TET2: variants seen among roughly 807,000 people sequenced by gnomAD.
TET2 encodes methylcytosine dioxygenase TET2.
TET2 carries 299 observed loss-of-function variants against 142.9 expected under a neutral mutation model. The ratio of observed to expected loss-of-function variants is 2.09; its 90% CI spans 1.90 to 2.30. The LOEUF (loss-of-function observed/expected upper bound fraction) is 2.30. Ranked by LOEUF, TET2 falls within the 30% of genes most tolerant of loss-of-function variation. The pLI is 0.00. For synonymous variants in TET2, 819 were observed against 849.0 expected (o/e 0.96, Z 0.61); for missense variants, 2,418 against 2,378.0 (o/e 1.02, Z -0.35).
intron 1 of TET2, among the ~76,000 whole-genome samples, chr4:105,163,852 AGAGT>A (rs1440483546): frequency 8.7e-4 from 92 of 105,822 alleles, no homozygotes; most frequent in Admixed American, 1.4e-3. Flanking sequence ...AGAGAGAGAG[AGAGT>A]GTGTGTGTGT....
At chr4:105,231,162 A>T (rs543175238) in intron 2 of TET2, among the ~76,000 whole-genome samples, 1 of 152,252 alleles carries the variant, frequency 6.6e-6, no homozygotes, top group African/African-American at 2.4e-5. Flanking sequence ...TAATTTGGCT[A>T]CTAGGCCCCA....
chr4:105,162,850 C>T (rs184966092), intron 1 of TET2, among the ~76,000 whole-genome samples: 2 of 152,114 alleles, frequency 1.3e-5, no homozygotes, highest in East Asian at 3.9e-4. Context: ...TATTGAAGAG[C>T]CTATATCTGC....
Position 105,272,785 on chromosome 4 carries a change from AC to A in TET2, c.4405del (p.Leu1469Ter), listed in dbSNP as rs1314914381. The part of the protein sequence containing the change: ...EPVKTCRQRK[L>X]EAKKAAAEKL... ...CAGTCAAGACTTGCCGACAAAGGAA[AC>A]TAGAAGCCAAGAAAGCTGCAGCTGA... On this transcript the variant is annotated frameshift_variant, in exon 10 of 11. Coordinates refer to ENST00000380013, the MANE Select transcript of TET2 (RefSeq NM_001127208.3). LOFTEE classifies it high-confidence loss of function. 6.4e-7 allele frequency: 1 copy of A among 1,551,598 alleles called. No individual in the cohort carries two copies. Among genetic ancestry groups the A allele is most frequent in the Non-Finnish European group, 8.7e-7 (1 of 1,146,986 alleles).
intron 8 of TET2, among the ~76,000 whole-genome samples, chr4:105,268,079 T>G (rs1050739007): frequency 1.3e-5 from 2 of 152,060 alleles, no homozygotes; most frequent in African/African-American, 4.8e-5. Context: ...CTGTAAATTT[T>G]AGAAAGTGCA....
At position 105,275,165 on chromosome 4, in the gene TET2, C is replaced by T; in HGVS notation, c.4655C>T (p.Pro1552Leu). 6.4e-7 allele frequency: 1 copy of T among 1,552,262 alleles called. No individual in the cohort carries two copies. Among genetic ancestry groups the T allele is most frequent in the Non-Finnish European group, 8.7e-7 (1 of 1,147,112 alleles). ...CCCCAGCAGCAGCAGCCACATCACC[C>T]TCAGACAGAGTCTGTCAACTCTTAT... is the stretch of plus-strand genomic sequence containing the variant. ...QRPQQQQPHH[P>L]QTESVNSYSA... The change falls in exon 11 of 11, where the codon CCT (proline) becomes CTT (leucine). Residue 1552 changes from proline (P) to leucine (L), a missense_variant. Transcript: ENST00000380013.
chr4:105,275,308 A>C lies in TET2; in HGVS notation c.4798A>C (p.Thr1600Pro). 6.4e-7 allele frequency: 1 copy of C among 1,551,906 alleles called. No individual in the cohort carries two copies. Among genetic ancestry groups the C allele is most frequent in the Non-Finnish European group, 8.7e-7 (1 of 1,147,028 alleles). The change falls in exon 11 of 11, where the codon ACC (threonine) becomes CCC (proline). Residue 1600 changes from threonine (T) to proline (P), a missense_variant. Transcript: ENST00000380013. Reference sequence around the variant, plus strand: ...CACCAGCCCTATGAACTTCTATTCCACCTCATCTCAAGCTGCAGGTTCATA... The same window carrying C: ...CACCAGCCCTATGAACTTCTATTCCCCCTCATCTCAAGCTGCAGGTTCATA... ...GSTSPMNFYSTSSQAAGSYLN... is the reference protein window; with the variant it reads ...GSTSPMNFYSPSSQAAGSYLN...
intron 1 of TET2, among the ~76,000 whole-genome samples, chr4:105,154,774 C>A (rs1331631894): frequency 2.0e-5 from 3 of 152,110 alleles, no homozygotes; most frequent in African/African-American, 7.2e-5. Context: ...CCTGTAATCC[C>A]AGCACTTTGC....
chr4:105,229,650 T>C (rs1728389492), intron 2 of TET2, among the ~76,000 whole-genome samples: 2 of 150,068 alleles, frequency 1.3e-5, no homozygotes, highest in South Asian at 4.2e-4. Flanking sequence ...TTGGAAGTTA[T>C]TTAAAAAAAA....
rs35390923 is a variant in TET2 at position 105,214,301 on chromosome 4, ATTTTTTT to A, written c.-46-19579_-46-19573del. ...TCCTTTCACTTGTCCCCCGAGGGAG[ATTTTTTT>A]TTTTTTTTTTTTTTTTGAGACAAGA... On this transcript the variant is annotated intron_variant, in intron 2 of 10. Transcript: ENST00000380013. 0.012 allele frequency among the ~76,000 whole-genome samples: 1,032 copies of A among 86,032 alleles called. 52 individuals are homozygous for A. The East Asian group carries it at 0.19, about 16-fold the overall frequency. The allele number at this position is 86,032 out of a possible 152,430, so 56.4% of individuals were successfully genotyped here.
intron 3 of TET2, 29 bp from the exon 4 acceptor site, chr4:105,241,310 A>G: frequency 6.6e-7 from 1 of 1,526,604 alleles, no homozygotes; most frequent in Non-Finnish European, 8.8e-7. Context: ...ATTGAGGTCT[A>G]AAATAATAAT....
At chr4:105,230,545 T>C (rs774359755) in intron 2 of TET2, among the ~76,000 whole-genome samples, 1 of 152,190 alleles carries the variant, frequency 6.6e-6, no homozygotes. Context: ...AGAAAAAAAC[T>C]GTACCTTGTT....
chr4:105,275,900 T>G lies in TET2; in HGVS notation c.5390T>G (p.Leu1797Ter). Residue 1797 changes from leucine to a stop codon, truncating the protein, a stop_gained, in exon 11 of 11, where the codon TTA becomes TGA. Transcript: ENST00000380013. LOFTEE classifies it low-confidence loss of function (END_TRUNC). Reference sequence around the variant, plus strand: ...ATGCTTTCCCACACAGCTAATGGGTTATCAAAGATGCTTCCAGCTCTTAAC... The same window carrying G: ...ATGCTTTCCCACACAGCTAATGGGTGATCAAAGATGCTTCCAGCTCTTAAC... ...NDMLSHTANG[L>*]SKMLPALNHD... 1 of 1,552,076 alleles carries G rather than the reference T, an allele frequency of 6.4e-7. No individual in the cohort carries two copies. Among genetic ancestry groups the G allele is most frequent in the Non-Finnish European group, 8.7e-7 (1 of 1,147,048 alleles).
chr4:105,167,235 G>T (rs1724197822), intron 1 of TET2, among the ~76,000 whole-genome samples: 1 of 151,476 alleles, frequency 6.6e-6, no homozygotes, highest in African/African-American at 2.4e-5. Context: ...CTTTTTAATG[G>T]TAGCCTATTT....
At chr4:105,173,286 G>A (rs747407835) in intron 1 of TET2, among the ~76,000 whole-genome samples, 4 of 151,390 alleles carry the variant, frequency 2.6e-5, no homozygotes, top group Non-Finnish European at 5.9e-5. Flanking sequence ...TTGGGAGGCC[G>A]AGGTGGGCAG....
chr4:105,168,676 G>A (rs1724289080), intron 1 of TET2, among the ~76,000 whole-genome samples: 1 of 151,722 alleles, frequency 6.6e-6, no homozygotes, highest in Admixed American at 6.6e-5. Flanking sequence ...AGATCTTGGT[G>A]CACCTATCAC....
At chr4:105,153,934 A>G (rs79295603) in intron 1 of TET2, among the ~76,000 whole-genome samples, 2,539 of 152,334 alleles carry the variant, frequency 0.017, 28 homozygotes, top group Admixed American at 0.026. Flanking sequence ...TGAGTGAATA[A>G]ACAAATTGTG....
intron 2 of TET2, among the ~76,000 whole-genome samples, chr4:105,229,530 C>T (rs1431083960): frequency 1.3e-5 from 2 of 151,856 alleles, no homozygotes; most frequent in African/African-American, 2.4e-5. Flanking sequence ...AAGATGGTCT[C>T]GATCTCTTGA....
intron 1 of TET2, among the ~76,000 whole-genome samples, chr4:105,184,893 A>G (rs1725336037): frequency 6.6e-6 from 1 of 152,222 alleles, no homozygotes; most frequent in South Asian, 2.1e-4. Context: ...CCAAAGCAGC[A>G]TTTCAACAGG....
In TET2 at chr4:105,275,963, A is replaced by T. The variant is rs587778700; in HGVS notation, c.5453A>T (p.Lys1818Ile). Residue 1818 changes from lysine to isoleucine, a missense_variant, in exon 11 of 11, where the codon AAA (lysine) becomes ATA (isoleucine). Lys to Ile is a moderately radical substitution (Grantham distance 102). Transcript: ENST00000380013. ...GCTTGTGTCCAAGGAGGCTTACACA[A>T]ATTAAGTGATGCTAATGGTCAGGAA... ...RTACVQGGLH[K>I]LSDANGQEKQ... 3.9e-6 allele frequency: 6 copies of T among 1,551,710 alleles called. No homozygotes were observed. In the African/African-American group the frequency reaches 5.5e-5, roughly 14 times the overall value.
Sources: allele counts gnomAD v4.1 joint callset (sites outside exome capture counted in the v4.1 genomes callset), GRCh38; gene constraint gnomAD v4.1.1; transcripts MANE v1.5; gene names NCBI Gene and HGNC (gene_info 2026-07-23, HGNC 2026-07-21).